DLGAP2: variants seen among roughly 807,000 people sequenced by gnomAD.
The protein encoded by DLGAP2 is disks large-associated protein 2.
A neutral mutation model predicts 100.3 loss-of-function variants in DLGAP2; 26 were observed. The ratio of observed to expected loss-of-function variants is 0.26; its 90% confidence interval spans 0.19 to 0.36. The LOEUF is 0.36. Among genes scored for constraint, DLGAP2 ranks in the 10% least tolerant of loss-of-function variants. The pLI, the probability that DLGAP2 is intolerant of heterozygous loss-of-function variation, is 1.00. For synonymous variants in DLGAP2, 886 were observed against 630.1 expected (o/e 1.41, Z -6.08); for missense variants, 1,858 against 1,453.2 (o/e 1.28, Z -4.53).
At chr8:1,254,923 G>T (rs1483640854) in intron 2 of DLGAP2, among the ~76,000 whole-genome samples, 1 of 151,430 alleles carries the variant, frequency 6.6e-6, no homozygotes, top group Non-Finnish European at 1.5e-5. Context: ...CCCAGGTGCT[G>T]TGTGTGTGCC....
Position 1,156,247 on chromosome 8 carries a change from G to A in DLGAP2, c.74-102604G>A, listed in dbSNP as rs116793389. ...CAATGAACCTGAAACCCAGGACCCG[G>A]GTAGGTCTCCTCCTCCTTCCCGTTT... is the stretch of plus-strand genomic sequence containing the variant. On this transcript the variant is annotated intron_variant, in intron 2 of 14. Transcript: ENST00000637795. 3.4e-3 allele frequency among the ~76,000 whole-genome samples: 516 copies of A among 152,214 alleles called. 1 individual carries two copies. The highest frequency in any genetic ancestry group is 0.012 in the African/African-American group (494 of 41,556).
intron 3 of DLGAP2, among the ~76,000 whole-genome samples, chr8:1,465,223 C>A (rs188306184): frequency 6.6e-6 from 1 of 152,254 alleles, no homozygotes; most frequent in African/African-American, 2.4e-5. Context: ...TCCTGCAAGC[C>A]CCCCACACGT....
At chr8:1,486,919 C>T (rs943688996) in intron 3 of DLGAP2, among the ~76,000 whole-genome samples, 10 of 152,186 alleles carry the variant, frequency 6.6e-5, no homozygotes, top group Non-Finnish European at 1.5e-5. Context: ...CCCAATACTG[C>T]TGGGCAACCC....
At chr8:1,361,212 C>T (rs760247148) in intron 3 of DLGAP2, among the ~76,000 whole-genome samples, 5 of 152,286 alleles carry the variant, frequency 3.3e-5, no homozygotes, top group East Asian at 3.9e-4. Flanking sequence ...ATGTGTAGCC[C>T]TGACCATGGT....
At chr8:1,350,289 C>CCGTGTGGGTCCTGACT (rs1563099119) in intron 3 of DLGAP2, among the ~76,000 whole-genome samples, 18 of 31,540 alleles carry the variant, frequency 5.7e-4, no homozygotes, top group Non-Finnish European at 6.5e-4. Context: ...GGGTCCTGAG[C>CCGTGTGGGTCCTGACT]GTGCGTGGAA....
chr8:1,334,781 G>C (rs1585270528), intron 3 of DLGAP2, among the ~76,000 whole-genome samples: 1 of 152,044 alleles, frequency 6.6e-6, no homozygotes, highest in Non-Finnish European at 1.5e-5. Flanking sequence ...AATGTAACAT[G>C]GTAAATACAT....
At chr8:1,095,150 G>GGGCAGCAGCCTGCGC (rs1804326255) in intron 2 of DLGAP2, among the ~76,000 whole-genome samples, 1 of 152,146 alleles carries the variant, frequency 6.6e-6, no homozygotes, top group African/African-American at 2.4e-5. Context: ...AGACAGCCTG[G>GGGCAGCAGCCTGCGC]TGCTCCTTCA....
At chr8:1,076,102 G>A (rs1203916435) in intron 2 of DLGAP2, among the ~76,000 whole-genome samples, 3 of 152,238 alleles carry the variant, frequency 2.0e-5, no homozygotes, top group East Asian at 3.9e-4. Flanking sequence ...ACGTTATCTA[G>A]AAAATCCACA....
chr8:1,378,089 T>C (rs551203088), intron 3 of DLGAP2: 27 of 156,452 alleles, frequency 1.7e-4, no homozygotes, highest in South Asian at 1.1e-3. Context: ...TCTCAAGATA[T>C]CTGGACGCAG....
chr8:1,514,932 C>T (rs150443409), intron 4 of DLGAP2, among the ~76,000 whole-genome samples: 1 of 152,060 alleles, frequency 6.6e-6, no homozygotes, highest in Non-Finnish European at 1.5e-5. Context: ...AAGAGCACAG[C>T]CAGCGGGCAG....
Position 1,702,028 on chromosome 8 carries a change from C to G in DLGAP2, c.*622C>G, listed in dbSNP as rs1470540533. Reference sequence around the variant, plus strand: ...AAGCGACCTCTCCAACCACCACACTCCCCGCCGTACAGTTCTCCAGAATCC... The same window carrying G: ...AAGCGACCTCTCCAACCACCACACTGCCCGCCGTACAGTTCTCCAGAATCC... On this transcript the variant is annotated 3_prime_UTR_variant, in exon 15 of 15. Coordinates refer to ENST00000637795, the MANE Select transcript of DLGAP2 (RefSeq NM_001346810.2). The G allele has an allele frequency of 1.3e-5, 2 of 152,334 alleles. No individual in the cohort carries two copies. Among genetic ancestry groups the G allele is most frequent in the Admixed American group, 1.3e-4 (2 of 15,304 alleles). The allele number at this position is 152,334 out of a possible 1,614,324, so 9.4% of individuals were successfully genotyped here. A position where few individuals can be genotyped will look rare whatever the true frequency, so the allele number is the denominator to read the frequency against.
At chr8:1,675,703 G>T (rs1798795628) in intron 10 of DLGAP2, among the ~76,000 whole-genome samples, 1 of 152,160 alleles carries the variant, frequency 6.6e-6, no homozygotes, top group Admixed American at 6.5e-5. Flanking sequence ...TTCAGAGAGG[G>T]CTCAAAAGTC....
chr8:1,582,790 G>A (rs1201533290), intron 6 of DLGAP2, among the ~76,000 whole-genome samples: 1 of 152,130 alleles, frequency 6.6e-6, no homozygotes, highest in Admixed American at 6.5e-5. Flanking sequence ...AGAGACAAGA[G>A]TTTCACCATG....
chr8:1,516,785 CAGTGAGTG>C (rs935067200), intron 4 of DLGAP2, among the ~76,000 whole-genome samples: 1 of 151,744 alleles, frequency 6.6e-6, no homozygotes, highest in Non-Finnish European at 1.5e-5. Flanking sequence ...GTGAGTGAAT[CAGTGAGTG>C]AGTGAGTGCA....
intron 3 of DLGAP2, among the ~76,000 whole-genome samples, chr8:1,364,481 G>A (rs989852641): frequency 4.2e-4 from 62 of 148,880 alleles, no homozygotes; most frequent in African/African-American, 1.5e-3. Flanking sequence ...AGAGGGAGGC[G>A]GGCGCCGGTC....
intron 2 of DLGAP2, among the ~76,000 whole-genome samples, chr8:1,053,897 A>T (rs895698305): frequency 2.0e-5 from 3 of 152,186 alleles, no homozygotes; most frequent in African/African-American, 7.2e-5. Flanking sequence ...TAGAGCAAGT[A>T]CTGTTGAGTT....
intron 2 of DLGAP2, among the ~76,000 whole-genome samples, chr8:1,066,856 A>G (rs948009042): frequency 3.3e-5 from 5 of 152,214 alleles, no homozygotes; most frequent in African/African-American, 1.2e-4. Context: ...GCTGCGGCCC[A>G]GTATAGTCTC....
At chr8:868,262 G>T (rs530560600) in intron 1 of DLGAP2, among the ~76,000 whole-genome samples, 47 of 152,294 alleles carry the variant, frequency 3.1e-4, no homozygotes, top group African/African-American at 1.1e-3. Flanking sequence ...AATAGCTGTG[G>T]CTCTTGTATG....
At chr8:1,352,858 C>T (rs914885259) in intron 3 of DLGAP2, among the ~76,000 whole-genome samples, 2 of 152,134 alleles carry the variant, frequency 1.3e-5, no homozygotes, top group Non-Finnish European at 2.9e-5. Flanking sequence ...CGCAGGAGAT[C>T]CTGGAGGAAG....
Sources: allele counts gnomAD v4.1 joint callset (sites outside exome capture counted in the v4.1 genomes callset), GRCh38; gene constraint gnomAD v4.1.1; transcripts MANE v1.5; gene names NCBI Gene and HGNC (gene_info 2026-07-23, HGNC 2026-07-21).